The following MLLT3 variants were observed in gnomAD, a reference collection of about 807,000 sequenced individuals.
MLLT3 encodes MLLT3 super elongation complex subunit.
MLLT3 carries 4 observed loss-of-function variants against 53.2 expected under a neutral mutation model. The ratio of observed to expected loss-of-function variants is 0.08; its 90% CI spans 0.04 to 0.17. The LOEUF (loss-of-function observed/expected upper bound fraction) is 0.17, where lower values mean the gene tolerates loss of function less well. Ranked by LOEUF, MLLT3 falls within the 10% of genes least tolerant of loss-of-function variation. The probability of loss-of-function intolerance (pLI) is 1.00; values close to 1 mark genes in which losing one functional copy is unlikely to be tolerated. For missense variants in MLLT3, 569 were observed against 684.0 expected, an observed-to-expected ratio of 0.83 and a Z score of 1.87; for synonymous variants, 283 against 230.6, an observed-to-expected ratio of 1.23 and a Z score of -2.06.
At chr9:20,462,071 G>T (rs1824122986) in intron 2 of MLLT3, among the ~76,000 whole-genome samples, 1 of 152,188 alleles carries the variant, frequency 6.6e-6, no homozygotes, top group Admixed American at 6.5e-5. Context: ...TTCTGCACAA[G>T]CATCTGGAAG....
chr9:20,507,797 C>T (rs1283054800), intron 2 of MLLT3, among the ~76,000 whole-genome samples: 1 of 146,332 alleles, frequency 6.8e-6, no homozygotes, highest in Non-Finnish European at 1.5e-5. Flanking sequence ...AATCAATTGG[C>T]TCAACATTTT....
chr9:20,343,214 A>AAAAAAAAAAAATTTT lies in MLLT3; in HGVS notation c.*3228_*3229insAAAATTTTTTTTTTT, dbSNP rs56934102. On this transcript the variant is annotated 3_prime_UTR_variant, in exon 11 of 11. Transcript: ENST00000380338. Reference sequence around the variant, plus strand: ...AAAAAAAAAAAAAAAAAAAAAAAAAATTTTGAAGAAACTTTTTAGTGGAAG... The same window carrying AAAAAAAAAAAATTTT: ...AAAAAAAAAAAAAAAAAAAAAAAAAAAAAAAAAAAAATTTTTTTTGAAGAAACTTTTTAGTGGAAG... 1 of 115,062 alleles carries AAAAAAAAAAAATTTT rather than the reference A, an allele frequency of 8.7e-6. No individual in the cohort carries two copies. The highest frequency in any genetic ancestry group is 6.7e-5 in the African/African-American group (1 of 14,932). The allele number at this position is 115,062 out of a possible 1,614,324, so 7.1% of individuals were successfully genotyped here. A position where few individuals can be genotyped will look rare whatever the true frequency, so the allele number is the denominator to read the frequency against.
chr9:20,448,718 C>A lies in MLLT3; in HGVS notation c.277-452G>T, dbSNP rs939297716. Among the ~76,000 whole-genome samples, 1 of 152,156 alleles carries A rather than the reference C, an allele frequency of 6.6e-6. No individual in the cohort carries two copies. Among genetic ancestry groups the A allele is most frequent in the Non-Finnish European group, 1.5e-5 (1 of 68,024 alleles). ...TCTCTACTTTGGGATATATTCTCTTCAATTCCTCCTCCATTCAGGCCTTAA... is the reference window on the plus strand; with the variant it reads ...TCTCTACTTTGGGATATATTCTCTTAAATTCCTCCTCCATTCAGGCCTTAA... On this transcript the variant is annotated intron_variant, in intron 3 of 10. Transcript: ENST00000380338. This position sits in a 1 kb window ranked among gnomAD's most constrained non-coding sequence, Gnocchi z 4.0.
chr9:20,346,302 T>C lies in MLLT3; in HGVS notation c.*141A>G, dbSNP rs1587135081. 2 of 896,038 alleles carry C rather than the reference T, an allele frequency of 2.2e-6. No individual in the cohort carries two copies. Among genetic ancestry groups the C allele is most frequent in the East Asian group, 2.8e-5 (1 of 35,806 alleles). The allele number at this position is 896,038 out of a possible 1,614,324, so 55.5% of individuals were successfully genotyped here. ...AAAGAAAAATAAAGCTGAAGGTTGT[T>C]TGATTTTTATTTTTTCCCTTTTGGT... On this transcript the variant is annotated 3_prime_UTR_variant, in exon 11 of 11. Coordinates refer to ENST00000380338, the MANE Select transcript of MLLT3 (RefSeq NM_004529.4).
At chr9:20,608,183 T>A (rs4246841) in intron 2 of MLLT3, among the ~76,000 whole-genome samples, 122,685 of 151,308 alleles carry the variant, frequency 0.81, 49,928 homozygotes, top group Middle Eastern at 0.86. Flanking sequence ...CACATTGGAA[T>A]TGAGTCTTTT....
intron 2 of MLLT3, among the ~76,000 whole-genome samples, chr9:20,537,905 A>G (rs1438888982): frequency 2.6e-5 from 4 of 152,336 alleles, no homozygotes; most frequent in African/African-American, 7.2e-5. Flanking sequence ...TTTGAAACAT[A>G]TATTTTAAAA....
chr9:20,413,386 C>T (rs935555671), intron 5 of MLLT3, among the ~76,000 whole-genome samples: 2 of 152,142 alleles, frequency 1.3e-5, no homozygotes, highest in Non-Finnish European at 2.9e-5. Flanking sequence ...TTATATTCTT[C>T]TCACTTTCCT....
intron 2 of MLLT3, among the ~76,000 whole-genome samples, chr9:20,616,836 G>T (rs895985175): frequency 6.6e-6 from 1 of 152,070 alleles, no homozygotes; most frequent in Non-Finnish European, 1.5e-5. Context: ...CAAGAAACAT[G>T]CTGTATCTTT....
At chr9:20,459,457 G>C (rs1270012605) in intron 2 of MLLT3, among the ~76,000 whole-genome samples, 1 of 152,186 alleles carries the variant, frequency 6.6e-6, no homozygotes, top group African/African-American at 2.4e-5. Flanking sequence ...TTAGCAAGAA[G>C]GCTAGTGTTA....
chr9:20,375,598 T>C (rs1821742808), intron 5 of MLLT3, among the ~76,000 whole-genome samples: 1 of 127,090 alleles, frequency 7.9e-6, no homozygotes, highest in Non-Finnish European at 1.5e-5. Flanking sequence ...GTAATTTTTT[T>C]TTTTTTCTTT....
rs923715892 is a variant in MLLT3 at position 20,344,218 on chromosome 9, G to A, written c.*2225C>T. 5.1e-6 allele frequency: 1 copy of A among 195,518 alleles called. No individual in the cohort carries two copies. The highest frequency in any genetic ancestry group is 2.3e-5 in the African/African-American group (1 of 43,152). The allele number at this position is 195,518 out of a possible 1,614,324, so 12.1% of individuals were successfully genotyped here. The stretch of plus-strand genomic sequence containing the variant: ...TAGCTTCTTGGTTAGTAACTTAAAG[G>A]AAAAAATTTTTACATTGGCAAATCA... On this transcript the variant is annotated 3_prime_UTR_variant, in exon 11 of 11. Coordinates refer to ENST00000380338, the MANE Select transcript of MLLT3 (RefSeq NM_004529.4).
intron 2 of MLLT3, among the ~76,000 whole-genome samples, chr9:20,495,931 T>C (rs767777411): frequency 7.9e-5 from 12 of 152,180 alleles, no homozygotes; most frequent in Non-Finnish European, 1.3e-4. Flanking sequence ...GTCCTCATAA[T>C]TTCAAGAAGG....
intron 5 of MLLT3, among the ~76,000 whole-genome samples, chr9:20,399,376 G>A (rs927923428): frequency 6.6e-6 from 1 of 152,082 alleles, no homozygotes; most frequent in Admixed American, 6.6e-5. Context: ...TGCCAATTAA[G>A]AGCCAGGGAC....
chr9:20,425,264 T>A (rs1163428025), intron 4 of MLLT3, among the ~76,000 whole-genome samples: 2 of 152,262 alleles, frequency 1.3e-5, no homozygotes, highest in African/African-American at 4.8e-5. Flanking sequence ...GGTTAGATTC[T>A]CATGTAAAAA....
intron 2 of MLLT3, among the ~76,000 whole-genome samples, chr9:20,500,864 C>T (rs1159718235): frequency 6.6e-6 from 1 of 152,176 alleles, no homozygotes; most frequent in Non-Finnish European, 1.5e-5. Flanking sequence ...TTTCAACTCC[C>T]TCCAGTTCAA....
intron 5 of MLLT3, among the ~76,000 whole-genome samples, chr9:20,383,099 C>T (rs1358646951): frequency 6.6e-6 from 1 of 151,742 alleles, no homozygotes. Context: ...AAGTGAGAAA[C>T]AAGAGAAAAC....
intron 4 of MLLT3, chr9:20,415,461 T>C (rs181511996): frequency 9.5e-5 from 92 of 969,748 alleles, no homozygotes; most frequent in Admixed American, 9.2e-4. Context: ...CTACCATTAA[T>C]AGTAAGAATA....
rs1309436296 is a variant in MLLT3 at position 20,615,373 on chromosome 9, A to C, written c.193+5281T>G. On this transcript the variant is annotated intron_variant, in intron 2 of 10. Coordinates refer to ENST00000380338, the MANE Select transcript of MLLT3 (RefSeq NM_004529.4). ...GCCAGACCATGTGAAAAAAAAAAAA[A>C]AAAAAAAAAAAAAAAAAAAAAAAGA... Among the ~76,000 whole-genome samples, 18 of 147,226 alleles carry C rather than the reference A, an allele frequency of 1.2e-4. No homozygotes were observed. In the East Asian group the frequency reaches 1.6e-3, roughly 13 times the overall value.
At chr9:20,454,176 A>G (rs1823904326) in intron 3 of MLLT3, among the ~76,000 whole-genome samples, 2 of 151,992 alleles carry the variant, frequency 1.3e-5, no homozygotes, top group Middle Eastern at 3.2e-3. Context: ...TGACTACCCA[A>G]TGTGCCTTCA....
Sources: allele counts gnomAD v4.1 joint callset (sites outside exome capture counted in the v4.1 genomes callset), GRCh38; gene constraint gnomAD v4.1.1; non-coding constraint Gnocchi (gnomAD v3.1); transcripts MANE v1.5; gene names NCBI Gene and HGNC (gene_info 2026-07-23, HGNC 2026-07-21).